ZNF276: variants seen among roughly 807,000 people sequenced by gnomAD.
The protein encoded by ZNF276 is centromere protein Z.
Under a neutral mutation model 63.9 loss-of-function variants are expected in ZNF276, and 59 were observed. The observed-to-expected ratio is 0.92, with a 90% CI of 0.75 to 1.15. The LOEUF is 1.15. ZNF276 is among the 50% of genes most tolerant of loss of function. ZNF276 has a pLI of 0.00. For missense variants in ZNF276, 1,084 were observed against 843.8 expected, an observed-to-expected ratio of 1.28 and a Z score of -3.53; for synonymous variants, 496 against 348.4, an observed-to-expected ratio of 1.42 and a Z score of -4.72.
At position 89,739,338 on chromosome 16, in the gene ZNF276, A is replaced by T; in HGVS notation, c.*1092A>T. 1 of 1,611,418 alleles carries T rather than the reference A, an allele frequency of 6.2e-7. No homozygotes were observed. The highest frequency in any genetic ancestry group is 8.5e-7 in the Non-Finnish European group (1 of 1,177,970). On this transcript the variant is annotated 3_prime_UTR_variant, in exon 11 of 11. Transcript: ENST00000443381. ...AATGGCTACAGACTGCTGGAAAGGTAGCAGGTGATGCCAAGGGATACTGCT... is the reference window on the plus strand; with the variant it reads ...AATGGCTACAGACTGCTGGAAAGGTTGCAGGTGATGCCAAGGGATACTGCT...
At chr16:89,727,470 A>G (rs2061502571) in intron 5 of ZNF276, 113 bp downstream of exon 5, 1 of 1,239,880 alleles carries the variant, frequency 8.1e-7, no homozygotes, top group South Asian at 1.4e-5. Context: ...TTCTCCTTCA[A>G]AAACCAAACA....
chr16:89,739,976 C>A lies in ZNF276; in HGVS notation c.*1730C>A. The A allele has an allele frequency of 6.2e-7, 1 of 1,613,512 alleles. No individual in the cohort carries two copies. Among genetic ancestry groups the A allele is most frequent in the Non-Finnish European group, 8.5e-7 (1 of 1,179,420 alleles). On this transcript the variant is annotated 3_prime_UTR_variant, in exon 11 of 11. Transcript: ENST00000443381. ...AGAGCGGCCCTCCGCATTTGTGCCT[C>A]AGCAGCGTGTTTCTTACCACTCTCT...
intron 9 of ZNF276, among the ~76,000 whole-genome samples, chr16:89,735,530 C>G (rs909921744): frequency 6.6e-6 from 1 of 152,008 alleles, no homozygotes; most frequent in Admixed American, 6.6e-5. Flanking sequence ...GTCCTTCAGA[C>G]TCTGCATCTG....
chr16:89,738,428 C>G lies in ZNF276; in HGVS notation c.*182C>G, dbSNP rs568833102. 1.5e-6 allele frequency: 2 copies of G among 1,376,022 alleles called. No individual in the cohort carries two copies. The highest frequency in any genetic ancestry group is 5.0e-5 in the East Asian group (2 of 39,966). 85.2% of individuals were successfully genotyped at this position (1,376,022 alleles called of 1,614,324 possible). ...GCTCTGGGACCAGTGGTTTATTTTC[C>G]CGCAAACGCTGAGTGACTCGGGGCC... On this transcript the variant is annotated 3_prime_UTR_variant, in exon 11 of 11. Transcript: ENST00000443381.
intron 4 of ZNF276, among the ~76,000 whole-genome samples, chr16:89,726,781 G>A (rs1324795916): frequency 6.6e-6 from 1 of 151,976 alleles, no homozygotes; most frequent in Non-Finnish European, 1.5e-5. Flanking sequence ...AGGTAGCTGG[G>A]ATTACAGGTG....
At chr16:89,737,170 G>A (rs556687906) in intron 9 of ZNF276, among the ~76,000 whole-genome samples, 2 of 152,176 alleles carry the variant, frequency 1.3e-5, no homozygotes, top group African/African-American at 2.4e-5. Context: ...GAATTCTAGA[G>A]AACAGCCATA....
At chr16:89,734,294 A>G (rs906222698) in intron 9 of ZNF276, among the ~76,000 whole-genome samples, 3 of 151,578 alleles carry the variant, frequency 2.0e-5, no homozygotes, top group East Asian at 3.9e-4. Flanking sequence ...TAGCCAAGCA[A>G]TCTTGGTGTC....
Position 89,739,359 on chromosome 16 carries a change from C to G in ZNF276, c.*1113C>G. ...AGGTAGCAGGTGATGCCAAGGGATA[C>G]TGCTCATCTGTGGAGCAGAGGCACA... On this transcript the variant is annotated 3_prime_UTR_variant, in exon 11 of 11. Transcript: ENST00000443381. 6.2e-7 allele frequency: 1 copy of G among 1,601,178 alleles called. No homozygotes were observed. Among genetic ancestry groups the G allele is most frequent in the Non-Finnish European group, 8.5e-7 (1 of 1,170,686 alleles).
chr16:89,724,054 A>G (rs1314015074), intron 4 of ZNF276, among the ~76,000 whole-genome samples: 1 of 152,146 alleles, frequency 6.6e-6, no homozygotes, highest in African/African-American at 2.4e-5. Flanking sequence ...GATGTGGGAG[A>G]AAAGAATGGC....
At chr16:89,722,331 T>A (rs1423961113) in intron 1 of ZNF276, among the ~76,000 whole-genome samples, 200 bp from the exon 2 acceptor site, 1 of 152,184 alleles carries the variant, frequency 6.6e-6, no homozygotes, top group Non-Finnish European at 1.5e-5. Flanking sequence ...CCTTTGAAAT[T>A]TGAAAGATTT....
chr16:89,733,313 A>C lies in ZNF276; in HGVS notation c.1181A>C (p.Lys394Thr), dbSNP rs2061737166. The C allele has an allele frequency of 1.9e-6, 3 of 1,613,878 alleles. No homozygotes were observed. The highest frequency in any genetic ancestry group is 2.5e-6 in the Non-Finnish European group (3 of 1,179,982). Residue 394 changes from lysine to threonine, a missense_variant, in exon 7 of 11, where the codon AAG becomes ACG. Lys to Thr is a moderately conservative substitution (Grantham distance 78). Transcript: ENST00000443381. ...EPYPERKVSG[K>T]KSESKEAKKS... Reference sequence around the variant, plus strand: ...CCTCTTTTTTTCAGAGTCTCTGGTAAGAAGAGTGAAAGCAAAGAAGCCAAG... The same window carrying C: ...CCTCTTTTTTTCAGAGTCTCTGGTACGAAGAGTGAAAGCAAAGAAGCCAAG...
In ZNF276 at chr16:89,733,946, A is replaced by T. The variant is rs1567581485; in HGVS notation, c.1382A>T (p.Glu461Val). ...AAGCACATCAAGGAGCACCACGAGG[A>T]GGTCCGGGAGCGGCCCTGCCCCCAC... ...MKKHIKEHHE[E>V]VRERPCPHPG... Residue 461 changes from glutamate to valine, a missense_variant, in exon 9 of 11, where the codon GAG (glutamate) becomes GTG (valine). By Grantham distance (121) the Glu-to-Val change is moderately radical. Coordinates refer to ENST00000443381, the MANE Select transcript of ZNF276 (RefSeq NM_001113525.2). 1.9e-6 allele frequency: 3 copies of T among 1,613,876 alleles called. No individual in the cohort carries two copies. The highest frequency in any genetic ancestry group is 1.7e-4 in the Middle Eastern group (1 of 6,060).
At chr16:89,727,070 T>A (rs2061492350) in intron 4 of ZNF276, among the ~76,000 whole-genome samples, 1 of 152,254 alleles carries the variant, frequency 6.6e-6, no homozygotes, top group African/African-American at 2.4e-5. Flanking sequence ...TGCTTGTTGC[T>A]GCCTGTGTGC....
At chr16:89,721,338 GC>G, upstream of ZNF276, 1 of 298,298 alleles carries the variant, frequency 3.4e-6, no homozygotes, top group Non-Finnish European at 6.2e-6. Context: ...GTGTCGGCGA[GC>G]CCCTCCGCCC....
Position 89,723,436 on chromosome 16 carries a change from A to G in ZNF276, c.733A>G (p.Ser245Gly), listed in dbSNP as rs2151662365. The G allele has an allele frequency of 6.2e-7, 1 of 1,613,086 alleles. No individual in the cohort carries two copies. The highest frequency in any genetic ancestry group is 8.5e-7 in the Non-Finnish European group (1 of 1,180,046). Residue 245 changes from serine to glycine, a missense_variant, in exon 4 of 11, where the codon AGC (serine) becomes GGC (glycine). By Grantham distance (56) the Ser-to-Gly change is moderately conservative. Coordinates refer to ENST00000443381, the MANE Select transcript of ZNF276 (RefSeq NM_001113525.2). ...DQGHDYTMDT[S>G]SSCKAFLLDS... is the part of the protein sequence containing the mutation. ...GGGCCACGACTACACCATGGATACC[A>G]GCTCCAGCTGCAAGGCCTTCTTGCT...
At chr16:89,720,728 C>G (rs770214751), upstream of ZNF276, 4 of 1,418,054 alleles carry the variant, frequency 2.8e-6, no homozygotes, top group South Asian at 2.9e-5. Context: ...AGGGGCCACC[C>G]TCAGCGGCCA....
At chr16:89,722,955 G>C in intron 2 of ZNF276, 121 bp downstream of exon 2, 1 of 1,556,284 alleles carries the variant, frequency 6.4e-7, no homozygotes, top group African/African-American at 1.3e-5. Flanking sequence ...GGCCATGCCC[G>C]GGTTCAGTGC....
chr16:89,728,790 C>G (rs8061587), intron 5 of ZNF276, among the ~76,000 whole-genome samples: 151,043 of 152,242 alleles, frequency 0.99, 74,939 homozygotes, highest in Middle Eastern at 1. Context: ...ACCTACGTCA[C>G]CCTCCCAAAG....
chr16:89,726,440 G>A (rs1000516401), intron 4 of ZNF276, among the ~76,000 whole-genome samples: 4 of 151,928 alleles, frequency 2.6e-5, no homozygotes, highest in Non-Finnish European at 5.9e-5. Flanking sequence ...CAGGTGATCC[G>A]CCCACCCCGG....
Sources: gnomAD v4.1 joint callset for allele counts (sites outside exome capture counted in the v4.1 genomes callset) on GRCh38, gnomAD v4.1.1 for gene constraint, MANE v1.5 for transcripts, NCBI Gene and HGNC (gene_info 2026-07-23, HGNC 2026-07-21) for gene names.